RBM27: variants seen among roughly 807,000 people sequenced by gnomAD.
The protein encoded by RBM27 is RNA-binding protein 27.
A neutral mutation model predicts 135.3 loss-of-function variants in RBM27; 22 were observed. The observed-to-expected ratio is 0.16, with a 90% CI of 0.12 to 0.23. RBM27 has a LOEUF of 0.23. RBM27 is among the 10% of genes least tolerant of loss of function. The pLI, the probability that RBM27 is intolerant of heterozygous loss-of-function variation, is 1.00. For missense variants in RBM27, 1,009 were observed against 1,281.0 expected (o/e 0.79, Z 3.24); for synonymous variants, 481 against 442.4 (o/e 1.09, Z -1.10).
rs573745480 is a variant in RBM27 at position 146,205,889 on chromosome 5, C to T, written c.59+2065C>T. ...TAAAAATTAACCGGCTGTGGTGGGG[C>T]GTGCTTGTAGTCCCAACTACTCGGG... On this transcript the variant is annotated intron_variant, in intron 1 of 20. Coordinates refer to ENST00000265271, the MANE Select transcript of RBM27 (RefSeq NM_018989.2). Among the ~76,000 whole-genome samples the T allele has an allele frequency of 1.1e-4, 16 of 152,018 alleles. No homozygotes were observed. In the East Asian group the frequency reaches 1.5e-3, roughly 15 times the overall value.
intron 19 of RBM27, among the ~76,000 whole-genome samples, chr5:146,278,779 T>C (rs2126907145): frequency 6.6e-6 from 1 of 151,798 alleles, no homozygotes; most frequent in East Asian, 2.0e-4. Context: ...TGGAGTGCAG[T>C]GATGCAGTCT....
At position 146,203,607 on chromosome 5, in the gene RBM27, T is replaced by A; in HGVS notation, c.-159T>A. 1.5e-6 allele frequency: 1 copy of A among 649,762 alleles called. No homozygotes were observed. The highest frequency in any genetic ancestry group is 2.7e-6 in the Non-Finnish European group (1 of 372,654). The allele number at this position is 649,762 out of a possible 1,614,324, so 40.2% of individuals were successfully genotyped here. On this transcript the variant is annotated 5_prime_UTR_variant, in exon 1 of 21. Coordinates refer to ENST00000265271, the MANE Select transcript of RBM27 (RefSeq NM_018989.2). The stretch of plus-strand genomic sequence containing the variant: ...GGTTGAGTGAGGGCTCTTGGGTTAG[T>A]TCCTGTTAGGCCCCGGCCGGGGGAG...
At chr5:146,269,334 T>G in intron 16 of RBM27, 53 bp downstream of exon 16, 1 of 1,501,220 alleles carries the variant, frequency 6.7e-7, no homozygotes, top group Non-Finnish European at 9.1e-7. Context: ...AGAATTGATT[T>G]TAAAAGTATT....
At chr5:146,234,955 G>T (rs1167880290) in intron 7 of RBM27, among the ~76,000 whole-genome samples, 1 of 151,526 alleles carries the variant, frequency 6.6e-6, no homozygotes, top group Non-Finnish European at 1.5e-5. Flanking sequence ...GATGGCTTGA[G>T]CCTGGGAGAC....
At chr5:146,258,420 T>G (rs1758215613) in intron 10 of RBM27, 29 bp from the exon 11 acceptor site, 3 of 1,518,492 alleles carry the variant, frequency 2.0e-6, no homozygotes, top group Non-Finnish European at 2.6e-6. Context: ...CCTGAAAAAC[T>G]CAGTAATTTC....
intron 8 of RBM27, among the ~76,000 whole-genome samples, chr5:146,241,943 A>G (rs983102726): frequency 1.3e-5 from 2 of 152,066 alleles, no homozygotes; most frequent in African/African-American, 4.8e-5. Context: ...ATCTTTTTAA[A>G]AATTTATTTA....
At chr5:146,265,588 A>C (rs1216913551) in intron 14 of RBM27, among the ~76,000 whole-genome samples, 1 of 152,232 alleles carries the variant, frequency 6.6e-6, no homozygotes, top group East Asian at 1.9e-4. Flanking sequence ...GTAATCCCTA[A>C]AAAGTGAAAA....
chr5:146,256,902 TAAA>T (rs571950827), intron 10 of RBM27, among the ~76,000 whole-genome samples: 7 of 151,752 alleles, frequency 4.6e-5, no homozygotes, highest in African/African-American at 1.5e-4. Context: ...AAAAATTAAT[TAAA>T]AAAAAGCATT....
chr5:146,240,326 G>A (rs186852031), intron 8 of RBM27, among the ~76,000 whole-genome samples: 2 of 150,970 alleles, frequency 1.3e-5, no homozygotes, highest in African/African-American at 2.5e-5. Context: ...CTGTCTGTCT[G>A]TCTGTCTATC....
At chr5:146,211,859 T>TA (rs1169230216) in intron 1 of RBM27, among the ~76,000 whole-genome samples, 1 of 152,170 alleles carries the variant, frequency 6.6e-6, no homozygotes, top group Non-Finnish European at 1.5e-5. Context: ...AATAAGCGTA[T>TA]TATTGCATTA....
chr5:146,277,836 A>G (rs1314357741), intron 19 of RBM27, among the ~76,000 whole-genome samples: 3 of 151,574 alleles, frequency 2.0e-5, no homozygotes, highest in Non-Finnish European at 4.4e-5. Flanking sequence ...CCTGGCCAAT[A>G]ATTTTTCATT....
At chr5:146,274,646 T>G (rs1759017277) in intron 19 of RBM27, among the ~76,000 whole-genome samples, 1 of 152,228 alleles carries the variant, frequency 6.6e-6, no homozygotes, top group African/African-American at 2.4e-5. Flanking sequence ...TTATATTATG[T>G]ATTTTAAAAC....
At chr5:146,243,630 G>T (rs900393683) in intron 8 of RBM27, among the ~76,000 whole-genome samples, 12 of 152,202 alleles carry the variant, frequency 7.9e-5, no homozygotes, top group Non-Finnish European at 1.3e-4. Context: ...AAGATTAGAA[G>T]TTTGATTCAA....
At chr5:146,277,622 A>G (rs1426355342) in intron 19 of RBM27, among the ~76,000 whole-genome samples, 2 of 145,798 alleles carry the variant, frequency 1.4e-5, no homozygotes, top group Non-Finnish European at 3.0e-5. Flanking sequence ...TCCTGGGTTC[A>G]TGCCATTCTC....
At chr5:146,268,137 A>T (rs971467069) in intron 15 of RBM27, among the ~76,000 whole-genome samples, 2 of 152,164 alleles carry the variant, frequency 1.3e-5, no homozygotes, top group Non-Finnish European at 2.9e-5. Flanking sequence ...TCCAAATTAA[A>T]TAGATATTTA....
At chr5:146,285,858 GTATAC>G in intron 20 of RBM27, 84 bp from the exon 21 acceptor site, 1 of 899,422 alleles carries the variant, frequency 1.1e-6, no homozygotes, top group Non-Finnish European at 1.7e-6. Flanking sequence ...CCTGGGCTTT[GTATAC>G]TAGCCTGTTT....
In RBM27 at chr5:146,230,704, A is replaced by G; in HGVS notation, c.637A>G (p.Ser213Gly). Reference sequence around the variant, plus strand: ...TAAGAGTGAAAGGAATGACCTGGAGAGTTCCTATGTGCCTGTGTCTGCACC... The same window carrying G: ...TAAGAGTGAAAGGAATGACCTGGAGGGTTCCTATGTGCCTGTGTCTGCACC... Reference protein sequence around the residue: ...KFKSERNDLESSYVPVSAPPP... With the variant: ...KFKSERNDLEGSYVPVSAPPP... The change falls in exon 6 of 21, where the codon AGT becomes GGT. Residue 213 changes from serine to glycine, a missense_variant. Around this residue, in one of 6 missense-constraint regions of RBM27, gnomAD observed 268 missense variants for 326.6 expected, o/e 0.82. Coordinates refer to ENST00000265271, the MANE Select transcript of RBM27 (RefSeq NM_018989.2). 1 of 1,613,980 alleles carries G rather than the reference A, an allele frequency of 6.2e-7. No homozygotes were observed. Among genetic ancestry groups the G allele is most frequent in the Non-Finnish European group, 8.5e-7 (1 of 1,179,846 alleles).
chr5:146,244,994 C>G (rs532218008), intron 8 of RBM27, among the ~76,000 whole-genome samples: 30 of 152,038 alleles, frequency 2.0e-4, no homozygotes, highest in African/African-American at 7.2e-4. Flanking sequence ...CCACCACAGC[C>G]TCCCAAATAA....
chr5:146,242,857 C>CA (rs938025223), intron 8 of RBM27, among the ~76,000 whole-genome samples: 1 of 152,102 alleles, frequency 6.6e-6, no homozygotes, highest in African/African-American at 2.4e-5. Context: ...CTCAGCCTCC[C>CA]AAAGTGCTGT....
Sources: gnomAD v4.1 joint callset for allele counts (sites outside exome capture counted in the v4.1 genomes callset) on GRCh38, gnomAD v4.1.1 for gene constraint, gnomAD v4.1.1 regional missense constraint, MANE v1.5 for transcripts, NCBI Gene and HGNC (gene_info 2026-07-23, HGNC 2026-07-21) for gene names.